TBL1X: variants seen among roughly 807,000 people sequenced by gnomAD.
TBL1X encodes the protein transducin beta like 1 X-linked.
Under a neutral mutation model 50.7 loss-of-function variants are expected in TBL1X, and 10 were observed. The observed-to-expected ratio is 0.20, with a 90% confidence interval of 0.12 to 0.33. The LOEUF (loss-of-function observed/expected upper bound fraction) is 0.33, where lower values mean the gene tolerates loss of function less well. Among genes scored for constraint, TBL1X ranks in the 10% least tolerant of loss-of-function variants. TBL1X has a pLI of 1.00. For synonymous variants in TBL1X, 190 were observed against 214.7 expected (o/e 0.88, Z 1.01); for missense variants, 340 against 504.4 (o/e 0.67, Z 3.12).
chrX:9,561,901 G>A (rs769288948), intron 2 of TBL1X, among the ~76,000 whole-genome samples: 4 of 112,187 alleles, frequency 3.6e-5, no homozygotes, highest in Admixed American at 1.9e-4. Flanking sequence ...CAGGTGAGGA[G>A]GGAGTCAGAA....
intron 3 of TBL1X, among the ~76,000 whole-genome samples, chrX:9,643,421 T>TA (rs761446949): frequency 8.9e-5 from 10 of 112,131 alleles, no homozygotes; most frequent in African/African-American, 2.9e-4. Flanking sequence ...GGCATTAAAT[T>TA]ACAAAATTTA....
At chrX:9,551,552 T>A (rs1372233278) in intron 2 of TBL1X, among the ~76,000 whole-genome samples, 1 of 111,199 alleles carries the variant, frequency 9.0e-6, no homozygotes, top group Admixed American at 9.6e-5. Context: ...ATGGCTTATG[T>A]TGCAAGGTCC....
chrX:9,521,412 G>C (rs186789422), intron 2 of TBL1X, among the ~76,000 whole-genome samples: 38 of 111,727 alleles, frequency 3.4e-4, no homozygotes, highest in African/African-American at 1.0e-3. Context: ...TGCGTGCTTG[G>C]GGGTGGGGAG....
chrX:9,706,802 C>G (rs5979157), intron 13 of TBL1X, among the ~76,000 whole-genome samples: 40,130 of 110,156 alleles, frequency 0.36, 5,298 homozygotes, highest in South Asian at 0.59. Flanking sequence ...CCTAAAGACA[C>G]GTGCAGCCAA....
intron 1 of TBL1X, among the ~76,000 whole-genome samples, chrX:9,471,948 G>A (rs1372382786): frequency 1.8e-5 from 2 of 111,624 alleles, no homozygotes; most frequent in African/African-American, 6.5e-5. Context: ...GAATATGGGA[G>A]TAGGGAGGAG....
chrX:9,569,332 CTATCTG>C (rs1235164777), intron 2 of TBL1X, among the ~76,000 whole-genome samples: 1 of 19,688 alleles, frequency 5.1e-5, no homozygotes, highest in Admixed American at 6.9e-4. Flanking sequence ...TGTGTTGTGT[CTATCTG>C]TGCAGTGTGC....
At chrX:9,577,657 G>C (rs1170227679) in intron 2 of TBL1X, among the ~76,000 whole-genome samples, 1 of 111,808 alleles carries the variant, frequency 8.9e-6, no homozygotes, top group Non-Finnish European at 1.9e-5. Flanking sequence ...AGCCCCATAT[G>C]CGCCACGATG....
chrX:9,512,783 G>A (rs900306018), intron 2 of TBL1X, among the ~76,000 whole-genome samples: 1 of 111,298 alleles, frequency 9.0e-6, no homozygotes, highest in African/African-American at 3.3e-5. Flanking sequence ...ACAGGCATGA[G>A]CCACCGCACC....
chrX:9,495,634 GTTCC>G (rs1482241879), intron 1 of TBL1X, among the ~76,000 whole-genome samples: 1 of 111,312 alleles, frequency 9.0e-6, no homozygotes, highest in Admixed American at 9.6e-5. Flanking sequence ...GTTTCTGTTG[GTTCC>G]TTTACATTGC....
At chrX:9,627,916 G>A (rs1385605081) in intron 2 of TBL1X, among the ~76,000 whole-genome samples, 1 of 112,105 alleles carries the variant, frequency 8.9e-6, no homozygotes, top group African/African-American at 3.2e-5. Context: ...TTATATAATG[G>A]ACATAATATT....
At chrX:9,617,572 C>T (rs1274584472) in intron 2 of TBL1X, among the ~76,000 whole-genome samples, 1 of 112,093 alleles carries the variant, frequency 8.9e-6, no homozygotes, top group Non-Finnish European at 1.9e-5. Context: ...TATTTGTTCT[C>T]AATGGGAATT....
chrX:9,492,818 T>G (rs868329050), intron 1 of TBL1X, among the ~76,000 whole-genome samples: 1 of 105,023 alleles, frequency 9.5e-6, no homozygotes, highest in African/African-American at 3.5e-5. Flanking sequence ...AGTGGAATAT[T>G]GTTGAGATTG....
At chrX:9,635,516 A>G (rs1233378900) in intron 2 of TBL1X, among the ~76,000 whole-genome samples, 1 of 111,357 alleles carries the variant, frequency 9.0e-6, no homozygotes, top group Non-Finnish European at 1.9e-5. Context: ...TGTGTAGAGG[A>G]ATGCTCAGTC....
At chrX:9,499,701 T>TG (rs1211046613) in intron 1 of TBL1X, among the ~76,000 whole-genome samples, 1 of 112,455 alleles carries the variant, frequency 8.9e-6, no homozygotes, top group Non-Finnish European at 1.9e-5. Flanking sequence ...TCTGGCTAGG[T>TG]GCAGTGGCTC....
At chrX:9,631,449 T>C (rs1450166640) in intron 2 of TBL1X, among the ~76,000 whole-genome samples, 1 of 112,563 alleles carries the variant, frequency 8.9e-6, no homozygotes, top group Non-Finnish European at 1.9e-5. Flanking sequence ...TTTGCATAAA[T>C]TGCGGCTTTT....
chrX:9,537,317 A>G (rs2082193363), intron 2 of TBL1X, among the ~76,000 whole-genome samples: 1 of 102,567 alleles, frequency 9.7e-6, no homozygotes, highest in Non-Finnish European at 2.0e-5. Flanking sequence ...AATTTTTTTT[A>G]TTGTGGTAAA....
At chrX:9,594,672 T>C (rs1281204555) in intron 2 of TBL1X, among the ~76,000 whole-genome samples, 2 of 112,258 alleles carry the variant, frequency 1.8e-5, no homozygotes, top group Admixed American at 1.9e-4. Context: ...CATTGCATTC[T>C]ATAAGATGAG....
At chrX:9,623,968 T>G (rs1034626593) in intron 2 of TBL1X, among the ~76,000 whole-genome samples, 1 of 112,323 alleles carries the variant, frequency 8.9e-6, no homozygotes, top group Non-Finnish European at 1.9e-5. Context: ...TGCATCTTGC[T>G]TATTTCAGGT....
At chrX:9,550,142 G>A (rs923233927) in intron 2 of TBL1X, among the ~76,000 whole-genome samples, 30 of 111,193 alleles carry the variant, frequency 2.7e-4, no homozygotes, top group African/African-American at 9.8e-4. Context: ...AAAAGGAGGT[G>A]TGGGCCTGGG....
Sources: gnomAD v4.1 joint callset for allele counts (sites outside exome capture counted in the v4.1 genomes callset) on GRCh38, gnomAD v4.1.1 for gene constraint, MANE v1.5 for transcripts, NCBI Gene and HGNC (gene_info 2026-07-23, HGNC 2026-07-21) for gene names.